Variants in NELL1 observed in about 807,000 individuals in gnomAD.
The protein encoded by NELL1 is protein kinase C-binding protein NELL1.
In NELL1, 76 loss-of-function variants were observed where a neutral mutation model predicts 107.4. The ratio of observed to expected loss-of-function variants is 0.71; its 90% CI spans 0.59 to 0.86. The LOEUF is 0.86. NELL1 is among the 40% of genes least tolerant of loss of function. The pLI, the probability that NELL1 is intolerant of heterozygous loss-of-function variation, is 0.00. For missense variants in NELL1, 1,024 were observed against 1,005.5 expected (o/e 1.02, Z -0.25); for synonymous variants, 353 against 341.2 (o/e 1.03, Z -0.38).
chr11:21,525,430 A>G (rs1380908035), intron 15 of NELL1, among the ~76,000 whole-genome samples: 1 of 152,160 alleles, frequency 6.6e-6, no homozygotes, highest in Non-Finnish European at 1.5e-5. Flanking sequence ...GGCAGACAAA[A>G]TTTGTATTTT....
chr11:21,501,051 G>C (rs1002365614), intron 15 of NELL1, among the ~76,000 whole-genome samples: 4 of 152,100 alleles, frequency 2.6e-5, no homozygotes, highest in Non-Finnish European at 5.9e-5. Context: ...AGTACTTACT[G>C]TCTGTGAATA....
chr11:21,060,408 C>G (rs529537693), intron 12 of NELL1, among the ~76,000 whole-genome samples: 19 of 152,260 alleles, frequency 1.2e-4, no homozygotes, highest in Admixed American at 5.2e-4. Context: ...TAAGTTCAGT[C>G]ATTTGCTTCC....
At chr11:21,510,145 C>G (rs879673245) in intron 15 of NELL1, among the ~76,000 whole-genome samples, 3 of 152,176 alleles carry the variant, frequency 2.0e-5, no homozygotes, top group Admixed American at 1.3e-4. Context: ...TTACATGATT[C>G]TGTAATGTTG....
At position 20,957,568 on chromosome 11, in the gene NELL1, G is replaced by A. The variant is rs183309650; in HGVS notation, c.1172-2864G>A. 2.5e-3 allele frequency among the ~76,000 whole-genome samples: 383 copies of A among 152,042 alleles called. 10 individuals are homozygous for A. The highest frequency in any genetic ancestry group is 4.1e-3 in the Admixed American group (62 of 15,266). On this transcript the variant is annotated intron_variant, in intron 11 of 19. Coordinates refer to ENST00000357134, the MANE Select transcript of NELL1 (RefSeq NM_006157.5). ...TGCTATTCAGCATAAACAACAAATGGCAAAATTAGATGTGCAAAGCCTGAA... is the reference window on the plus strand; with the variant it reads ...TGCTATTCAGCATAAACAACAAATGACAAAATTAGATGTGCAAAGCCTGAA...
chr11:21,058,580 CTCTAATGG>C (rs1281675640), intron 12 of NELL1, among the ~76,000 whole-genome samples: 2 of 152,086 alleles, frequency 1.3e-5, no homozygotes, highest in African/African-American at 4.8e-5. Context: ...ATTGGCAAAA[CTCTAATGG>C]TGATGATATT....
intron 15 of NELL1, among the ~76,000 whole-genome samples, chr11:21,418,462 A>G (rs916504321): frequency 2.6e-5 from 4 of 152,124 alleles, no homozygotes; most frequent in African/African-American, 9.6e-5. Context: ...ATTAAAATAA[A>G]TAAATCAAAA....
intron 4 of NELL1, among the ~76,000 whole-genome samples, chr11:20,868,946 G>A (rs556625276): frequency 6.6e-6 from 1 of 152,278 alleles, no homozygotes; most frequent in East Asian, 1.9e-4. Context: ...AGATTGAGTG[G>A]GAAGCAGTTC....
chr11:21,126,357 G>GGTA (rs1855486090), intron 13 of NELL1, among the ~76,000 whole-genome samples: 1 of 84,234 alleles, frequency 1.2e-5, no homozygotes, highest in Non-Finnish European at 2.4e-5. Flanking sequence ...AACCTATTGA[G>GGTA]ATAATAAATA....
At chr11:21,133,777 A>G (rs945169783) in intron 13 of NELL1, among the ~76,000 whole-genome samples, 3 of 152,156 alleles carry the variant, frequency 2.0e-5, no homozygotes, top group Non-Finnish European at 4.4e-5. Context: ...AAGCACTTCC[A>G]AGCCTTCAGG....
intron 13 of NELL1, among the ~76,000 whole-genome samples, chr11:21,192,924 C>T (rs753755117): frequency 1.3e-5 from 2 of 151,780 alleles, no homozygotes; most frequent in African/African-American, 4.9e-5. Flanking sequence ...AGGCGGACAT[C>T]GTGGAGTCTT....
At chr11:21,395,671 A>T (rs1851964396) in intron 15 of NELL1, among the ~76,000 whole-genome samples, 1 of 151,526 alleles carries the variant, frequency 6.6e-6, no homozygotes, top group African/African-American at 2.4e-5. Flanking sequence ...TCTATTATTT[A>T]CTAGTATACA....
intron 12 of NELL1, among the ~76,000 whole-genome samples, chr11:21,095,171 T>G (rs1371098560): frequency 6.6e-6 from 1 of 152,144 alleles, no homozygotes; most frequent in East Asian, 1.9e-4. Flanking sequence ...GGCAAAATGC[T>G]CCCAGTCTCT....
intron 15 of NELL1, among the ~76,000 whole-genome samples, chr11:21,386,199 A>G (rs538635184): frequency 1.4e-4 from 21 of 150,064 alleles, no homozygotes; most frequent in Non-Finnish European, 2.7e-4. Context: ...AAAACCCTTC[A>G]AAGTATTACT....
chr11:21,458,867 A>G (rs1853820882), intron 15 of NELL1, among the ~76,000 whole-genome samples: 1 of 152,146 alleles, frequency 6.6e-6, no homozygotes, highest in South Asian at 2.1e-4. Context: ...TTTCTGTTAA[A>G]TGAACAGCAA....
At chr11:21,269,273 A>AT (rs1848693501) in intron 14 of NELL1, among the ~76,000 whole-genome samples, 1 of 152,094 alleles carries the variant, frequency 6.6e-6, no homozygotes, top group Non-Finnish European at 1.5e-5. Flanking sequence ...ATTTTCTAAC[A>AT]TTAATGTCAG....
At chr11:20,723,156 CT>C (rs1855430899) in intron 2 of NELL1, among the ~76,000 whole-genome samples, 1 of 152,284 alleles carries the variant, frequency 6.6e-6, no homozygotes, top group South Asian at 2.1e-4. Flanking sequence ...CATTCTGCCC[CT>C]GGCCCCTCCC....
intron 14 of NELL1, among the ~76,000 whole-genome samples, chr11:21,368,332 C>A (rs187972053): frequency 2.0e-5 from 3 of 146,904 alleles, no homozygotes; most frequent in Admixed American, 6.9e-5. Context: ...TCCTTTAATG[C>A]GACATGTGCA....
rs1391876176 is a variant in NELL1 at position 21,215,705 on chromosome 11, C to T, written c.1427-13627C>T. Among the ~76,000 whole-genome samples, 4 of 152,166 alleles carry T rather than the reference C, an allele frequency of 2.6e-5. No individual in the cohort carries two copies. The East Asian group carries it at 7.7e-4, about 29-fold the overall frequency. ...AGCAAAGAGACTGGCAGCATTTTGC[C>T]TCTGCCCTAGAGATCTTTGGAACTT... On this transcript the variant is annotated intron_variant, in intron 13 of 19. Coordinates refer to ENST00000357134, the MANE Select transcript of NELL1 (RefSeq NM_006157.5).
chr11:20,847,783 T>A, intron 4 of NELL1, 30 bp downstream of exon 4: 1 of 1,575,888 alleles, frequency 6.3e-7, no homozygotes, highest in South Asian at 1.2e-5. Flanking sequence ...TGTTGCTGAT[T>A]CTGCCCTTGA....
Sources: gnomAD v4.1 joint callset for allele counts (sites outside exome capture counted in the v4.1 genomes callset) on GRCh38, gnomAD v4.1.1 for gene constraint, MANE v1.5 for transcripts, NCBI Gene and HGNC (gene_info 2026-07-23, HGNC 2026-07-21) for gene names.